Variants in KIAA0753 observed in about 807,000 individuals in gnomAD.
KIAA0753 encodes KIAA0753, also known as protein moonraker.
In KIAA0753, 114 loss-of-function variants were observed where a neutral mutation model predicts 116.9. That is an observed-to-expected ratio of 0.98 (90% CI 0.84 to 1.14). The LOEUF is 1.14. KIAA0753 is among the 50% of genes most tolerant of loss of function. KIAA0753 has a pLI of 0.00. For missense variants in KIAA0753, 1,156 were observed against 1,172.4 expected (o/e 0.99, Z 0.20); for synonymous variants, 405 against 413.1 (o/e 0.98, Z 0.24).
At chr17:6,619,839 A>C (rs955961391) in intron 7 of KIAA0753, among the ~76,000 whole-genome samples, 1 of 152,248 alleles carries the variant, frequency 6.6e-6, no homozygotes, top group African/African-American at 2.4e-5. Context: ...AAAAGAGTTA[A>C]CTAACAAAGT....
chr17:6,590,742 C>G, intron 16 of KIAA0753, 112 bp from the exon 17 acceptor site: 6 of 1,127,732 alleles, frequency 5.3e-6, no homozygotes, highest in Non-Finnish European at 7.8e-6. Flanking sequence ...ATCTCTTAAG[C>G]ACGACAGGGT....
chr17:6,592,532 C>CAT (rs1185385337), intron 16 of KIAA0753, among the ~76,000 whole-genome samples: 3 of 152,142 alleles, frequency 2.0e-5, no homozygotes, highest in Non-Finnish European at 4.4e-5. Context: ...AGCCCAAATA[C>CAT]ATATATATAC....
At chr17:6,621,345 A>G (rs1971311614) in intron 6 of KIAA0753, among the ~76,000 whole-genome samples, 1 of 152,240 alleles carries the variant, frequency 6.6e-6, no homozygotes, top group South Asian at 2.1e-4. Context: ...ATCATCAACA[A>G]AAATCTCATA....
Position 6,594,987 on chromosome 17 carries a change from G to C in KIAA0753, c.2425C>G (p.Gln809Glu), listed in dbSNP as rs747726984. 1 of 1,610,122 alleles carries C rather than the reference G, an allele frequency of 6.2e-7. No homozygotes were observed. The change falls in exon 16 of 19, where the codon CAG (glutamine) becomes GAG (glutamate). Residue 809 changes from glutamine to glutamate, a missense_variant. Transcript: ENST00000361413. The part of the protein sequence containing the change: ...IAYADPRLWM[Q>E]EENNDQKISA... ...AAACACTCACCATTGTTTTCTTCCT[G>C]CATCCAAAGTCGAGGATCAGCATAT...
intron 14 of KIAA0753, among the ~76,000 whole-genome samples, chr17:6,596,756 T>C (rs1969514556): frequency 6.6e-6 from 1 of 152,252 alleles, no homozygotes; most frequent in Non-Finnish European, 1.5e-5. Context: ...TCTGCTCATA[T>C]GACATCACAA....
intron 1 of KIAA0753, chr17:6,636,127 T>A (rs759956082): frequency 2.6e-4 from 39 of 152,110 alleles, no homozygotes; most frequent in Admixed American, 9.8e-4. Context: ...AAGGTTTTTT[T>A]AAAAAAAACC....
At position 6,635,154 on chromosome 17, in the gene KIAA0753, T is replaced by C. The variant is rs751541903; in HGVS notation, c.-51A>G. 5.9e-6 allele frequency: 8 copies of C among 1,358,242 alleles called. No homozygotes were observed. In the South Asian group the frequency reaches 8.1e-5, roughly 14 times the overall value. The allele number at this position is 1,358,242 out of a possible 1,614,324, so 84.1% of individuals were successfully genotyped here. On this transcript the variant is annotated 5_prime_UTR_variant, in exon 2 of 19. Coordinates refer to ENST00000361413, the MANE Select transcript of KIAA0753 (RefSeq NM_014804.3). ...TGACAGCCTTGTCATCCGGCAACAGTCTTCCCTAAAACCATTCCTAAAACG... is the reference window on the plus strand; with the variant it reads ...TGACAGCCTTGTCATCCGGCAACAGCCTTCCCTAAAACCATTCCTAAAACG...
chr17:6,609,675 T>C (rs72835751), intron 9 of KIAA0753, among the ~76,000 whole-genome samples: 11,751 of 152,156 alleles, frequency 0.077, 535 homozygotes, highest in Non-Finnish European at 0.11. Context: ...AAAGACACAG[T>C]CCCTGGCCTC....
At chr17:6,587,504 G>A (rs1449043654) in intron 18 of KIAA0753, among the ~76,000 whole-genome samples, 1 of 152,200 alleles carries the variant, frequency 6.6e-6, no homozygotes, top group Non-Finnish European at 1.5e-5. Flanking sequence ...TCCTTGGCTT[G>A]CTTTTGGGTT....
intron 8 of KIAA0753, 144 bp downstream of exon 8, chr17:6,611,775 A>C: frequency 3.0e-6 from 2 of 657,050 alleles, no homozygotes; most frequent in Non-Finnish European, 5.4e-6. Context: ...TTTTTTGTTA[A>C]AATATATAAA....
At chr17:6,595,338 A>T (rs1238278748) in intron 15 of KIAA0753, among the ~76,000 whole-genome samples, 1 of 152,092 alleles carries the variant, frequency 6.6e-6, no homozygotes, top group Non-Finnish European at 1.5e-5. Context: ...CTAACTACTG[A>T]CTCCTTAGAG....
At chr17:6,606,714 T>C (rs1299912288) in intron 12 of KIAA0753, among the ~76,000 whole-genome samples, 159 bp downstream of exon 12, 1 of 152,136 alleles carries the variant, frequency 6.6e-6, no homozygotes, top group Non-Finnish European at 1.5e-5. Flanking sequence ...AAGCATTTCC[T>C]AGCAAAAAAA....
intron 6 of KIAA0753, among the ~76,000 whole-genome samples, 154 bp downstream of exon 6, chr17:6,622,727 CA>C (rs1164354128): frequency 6.6e-6 from 1 of 152,136 alleles, no homozygotes; most frequent in Non-Finnish European, 1.5e-5. Context: ...GTAAAAATAG[CA>C]AAACAAAAAG....
chr17:6,580,930 A>ACACCCC (rs149966522), intron 18 of KIAA0753, among the ~76,000 whole-genome samples: 17 of 144,030 alleles, frequency 1.2e-4, no homozygotes, highest in African/African-American at 3.0e-4. Flanking sequence ...ACACACACAC[A>ACACCCC]CCTTCATTTT....
intron 16 of KIAA0753, among the ~76,000 whole-genome samples, chr17:6,593,554 C>G (rs1318981678): frequency 1.3e-5 from 2 of 151,968 alleles, no homozygotes; most frequent in African/African-American, 4.8e-5. Context: ...AATCCCAGCA[C>G]TTCAGGAGGC....
chr17:6,614,262 T>C (rs1970732293), intron 7 of KIAA0753, among the ~76,000 whole-genome samples: 1 of 152,130 alleles, frequency 6.6e-6, no homozygotes, highest in Non-Finnish European at 1.5e-5. Context: ...CACTCCTAGG[T>C]ATATACTCAG....
chr17:6,621,910 G>A (rs1198031536), intron 6 of KIAA0753, among the ~76,000 whole-genome samples: 1 of 152,124 alleles, frequency 6.6e-6, no homozygotes, highest in Non-Finnish European at 1.5e-5. Flanking sequence ...TCCTCACAGT[G>A]AGTTCTATAT....
intron 5 of KIAA0753, 49 bp from the exon 6 acceptor site, chr17:6,623,146 T>C (rs1971441196): frequency 1.3e-6 from 2 of 1,495,636 alleles, no homozygotes; most frequent in Non-Finnish European, 9.2e-7. Flanking sequence ...CAGAACTTGC[T>C]AACATTCACC....
At chr17:6,626,447 TA>T (rs1455401332) in intron 3 of KIAA0753, among the ~76,000 whole-genome samples, 8 of 152,224 alleles carry the variant, frequency 5.3e-5, no homozygotes, top group African/African-American at 1.9e-4. Flanking sequence ...CCTATATGTC[TA>T]ATTACTTTCA....
Sources: allele counts gnomAD v4.1 joint callset (sites outside exome capture counted in the v4.1 genomes callset), GRCh38; gene constraint gnomAD v4.1.1; transcripts MANE v1.5; gene names NCBI Gene and HGNC (gene_info 2026-07-23, HGNC 2026-07-21).